Variants in FANCA observed in about 807,000 individuals in gnomAD.
FANCA encodes FA complementation group A.
FANCA carries 236 observed loss-of-function variants against 194.3 expected under a neutral mutation model. The ratio of observed to expected loss-of-function variants is 1.21; its 90% confidence interval spans 1.09 to 1.35. The LOEUF (loss-of-function observed/expected upper bound fraction) is 1.35. Among genes scored for constraint, FANCA ranks in the 40% most tolerant of loss-of-function variants. FANCA has a pLI of 0.00. For synonymous variants in FANCA, 1,014 were observed against 715.8 expected, an observed-to-expected ratio of 1.42 and a Z score of -6.65; for missense variants, 2,628 against 1,813.9, an observed-to-expected ratio of 1.45 and a Z score of -8.15.
At chr16:89,773,461 G>T in intron 21 of FANCA, 77 bp from the exon 22 acceptor site, 1 of 1,032,490 alleles carries the variant, frequency 9.7e-7, no homozygotes, top group Non-Finnish European at 1.5e-6. Context: ...ACTTCACACA[G>T]TCAAATACAG....
At chr16:89,747,647 G>A (rs1208498702) in intron 33 of FANCA, among the ~76,000 whole-genome samples, 2 of 152,092 alleles carry the variant, frequency 1.3e-5, no homozygotes, top group African/African-American at 4.8e-5. Flanking sequence ...TGCAGGGTGA[G>A]CCAAGATTTC....
chr16:89,760,919 G>A (rs999996997), intron 29 of FANCA, among the ~76,000 whole-genome samples: 2 of 152,058 alleles, frequency 1.3e-5, no homozygotes, highest in South Asian at 2.1e-4. Context: ...TACAGCTCCC[G>A]GACAGCAGCC....
At chr16:89,803,679 A>G (rs1406943181) in intron 7 of FANCA, among the ~76,000 whole-genome samples, 1 of 147,588 alleles carries the variant, frequency 6.8e-6, no homozygotes, top group Non-Finnish European at 1.5e-5. Context: ...GCTTGAGTGC[A>G]ATGGTATGAT....
chr16:89,759,349 A>AAAAAAAAAAG (rs1386463570), intron 29 of FANCA, among the ~76,000 whole-genome samples: 16 of 139,460 alleles, frequency 1.1e-4, no homozygotes, highest in Non-Finnish European at 2.2e-4. Context: ...AAAAAAAAAA[A>AAAAAAAAAAG]GTAGCCTGGA....
intron 26 of FANCA, among the ~76,000 whole-genome samples, 178 bp from the exon 27 acceptor site, chr16:89,767,415 T>A (rs1162757689): frequency 6.6e-6 from 1 of 152,222 alleles, no homozygotes; most frequent in Non-Finnish European, 1.5e-5. Flanking sequence ...CCGCCCAGGC[T>A]GGAGTGCAGT....
At chr16:89,744,435 T>G (rs1042490925) in intron 36 of FANCA, among the ~76,000 whole-genome samples, 2 of 152,088 alleles carry the variant, frequency 1.3e-5, no homozygotes, top group African/African-American at 4.8e-5. Flanking sequence ...GCTTGATGGT[T>G]TGCAAGGACC....
chr16:89,802,441 G>A (rs778311447), intron 8 of FANCA, among the ~76,000 whole-genome samples: 10 of 151,228 alleles, frequency 6.6e-5, no homozygotes, highest in Admixed American at 2.0e-4. Context: ...AGTCTCTGTC[G>A]CCTAGGCTGG....
intron 36 of FANCA, 87 bp from the exon 37 acceptor site, chr16:89,743,025 C>T: frequency 6.7e-7 from 1 of 1,481,880 alleles, no homozygotes; most frequent in Non-Finnish European, 9.2e-7. Flanking sequence ...CACCTGTCAC[C>T]TTTGGGGCCT....
chr16:89,794,957 G>T (rs1015964276), intron 11 of FANCA, among the ~76,000 whole-genome samples: 1 of 152,156 alleles, frequency 6.6e-6, no homozygotes, highest in African/African-American at 2.4e-5. Context: ...TATTCCAGAA[G>T]GAGAATGTGC....
At chr16:89,795,355 G>T (rs2040208195) in intron 11 of FANCA, among the ~76,000 whole-genome samples, 1 of 151,878 alleles carries the variant, frequency 6.6e-6, no homozygotes, top group South Asian at 2.1e-4. Flanking sequence ...TACGCTGGGT[G>T]CGGTGGCTCA....
At chr16:89,803,975 G>C (rs952909126) in intron 7 of FANCA, among the ~76,000 whole-genome samples, 2 of 151,936 alleles carry the variant, frequency 1.3e-5, no homozygotes, top group African/African-American at 2.4e-5. Flanking sequence ...GGATTGTCTT[G>C]CCTGCCAATC....
chr16:89,781,819 G>A (rs1236723048), intron 17 of FANCA, among the ~76,000 whole-genome samples: 4 of 151,202 alleles, frequency 2.6e-5, no homozygotes, highest in Non-Finnish European at 4.4e-5. Context: ...CTAACGTGGT[G>A]AAACCTCATC....
chr16:89,807,637 C>A (rs1216484543), intron 6 of FANCA, among the ~76,000 whole-genome samples: 2 of 152,110 alleles, frequency 1.3e-5, no homozygotes, highest in African/African-American at 4.8e-5. Context: ...GTAATCCCAG[C>A]GCTTTGGGAG....
chr16:89,783,508 G>T (rs2039792608), intron 15 of FANCA, among the ~76,000 whole-genome samples: 1 of 150,130 alleles, frequency 6.7e-6, no homozygotes, highest in African/African-American at 2.5e-5. Context: ...CCGAGATCGC[G>T]CCACTGCACT....
At chr16:89,814,766 C>T (rs2041035513) in intron 2 of FANCA, among the ~76,000 whole-genome samples, 153 bp from the exon 3 acceptor site, 1 of 151,690 alleles carries the variant, frequency 6.6e-6, no homozygotes, top group African/African-American at 2.4e-5. Flanking sequence ...CATAGTGAAA[C>T]CCTGTCTCTA....
At chr16:89,790,146 A>G (rs2040019703) in intron 14 of FANCA, among the ~76,000 whole-genome samples, 1 of 152,212 alleles carries the variant, frequency 6.6e-6, no homozygotes, top group South Asian at 2.1e-4. Context: ...TCATGCCTGT[A>G]ATCCCTGCAC....
In FANCA at chr16:89,742,942, G is replaced by A. The variant is rs2062172483; in HGVS notation, c.3627-4C>T. ...GGCAGCCTCAGGGGAGAGGAAACTG[G>A]GACAGAGAGAACGGGGTCATTGCAG... is the stretch of plus-strand genomic sequence containing the variant. On this transcript the variant is annotated splice_polypyrimidine_tract_variant and splice_region_variant and intron_variant, in intron 36 of 42. Transcript: ENST00000389301. 6.2e-7 allele frequency: 1 copy of A among 1,613,492 alleles called. No homozygotes were observed. The highest frequency in any genetic ancestry group is 8.5e-7 in the Non-Finnish European group (1 of 1,179,636).
In FANCA at chr16:89,769,977, G is replaced by T. The variant is rs149754397; in HGVS notation, c.2364C>A (p.Ala788=). The T allele has an allele frequency of 6.2e-6, 10 of 1,613,796 alleles. No individual in the cohort carries two copies. The highest frequency in any genetic ancestry group is 8.5e-6 in the Non-Finnish European group (10 of 1,180,020). Residue 788 remains alanine, a synonymous_variant, in exon 26 of 43, where the codon GCC becomes GCA. Coordinates refer to ENST00000389301, the MANE Select transcript of FANCA (RefSeq NM_000135.4). The part of the protein sequence containing the change: ...APHVLGLAAL[A]VHLGESRSAL... ...CAGACCTGGACTCACCCAGGTGCAC[G>T]GCCAGGGCAGCCAACCCCAGCACAT...
chr16:89,741,406 G>A (rs2062130071), intron 37 of FANCA, among the ~76,000 whole-genome samples: 2 of 152,230 alleles, frequency 1.3e-5, no homozygotes, highest in Admixed American at 1.3e-4. Flanking sequence ...AAAACCCTGG[G>A]CGCTGCTGTC....
Sources: allele counts gnomAD v4.1 joint callset (sites outside exome capture counted in the v4.1 genomes callset), GRCh38; gene constraint gnomAD v4.1.1; transcripts MANE v1.5; gene names NCBI Gene and HGNC (gene_info 2026-07-23, HGNC 2026-07-21).